Variants in SLC11A2 observed in about 807,000 individuals in gnomAD.
SLC11A2 encodes solute carrier family 11 member 2.
SLC11A2 carries 38 observed loss-of-function variants against 68.0 expected under a neutral mutation model. That is an observed-to-expected ratio of 0.56 (90% confidence interval 0.43 to 0.73). SLC11A2 has a LOEUF of 0.73. SLC11A2 is among the 30% of genes least tolerant of loss of function. SLC11A2 has a pLI of 0.00. For synonymous variants in SLC11A2, 242 were observed against 250.6 expected, an observed-to-expected ratio of 0.97 and a Z score of 0.32; for missense variants, 517 against 690.5, an observed-to-expected ratio of 0.75 and a Z score of 2.82.
chr12:50,981,903 T>C (rs1056816515), downstream of SLC11A2: 7 of 596,100 alleles, frequency 1.2e-5, no homozygotes, highest in Non-Finnish European at 1.7e-5. Flanking sequence ...TAGGCCTTTT[T>C]TTCTGTACTG....
intron 1 of SLC11A2, among the ~76,000 whole-genome samples, chr12:51,020,057 TTTTTA>T (rs1329573970): frequency 1.4e-4 from 22 of 152,140 alleles, no homozygotes; most frequent in African/African-American, 5.3e-4. Context: ...CTGGTATTGT[TTTTTA>T]TTTTATTTTT....
chr12:50,987,702 TC>T lies in SLC11A2; in HGVS notation c.*622del. 1 of 1,287,168 alleles carries T rather than the reference TC, an allele frequency of 7.8e-7. No homozygotes were observed. The highest frequency in any genetic ancestry group is 1.0e-6 in the Non-Finnish European group (1 of 988,656). 79.7% of individuals were successfully genotyped at this position (1,287,168 alleles called of 1,614,324 possible). A position where few individuals can be genotyped will look rare whatever the true frequency, so the allele number is the denominator to read the frequency against. On this transcript the variant is annotated 3_prime_UTR_variant, in exon 16 of 16. Coordinates refer to ENST00000262052, the MANE Select transcript of SLC11A2 (RefSeq NM_000617.3). ...GCTGGTTTTGTTAGTTGTCAGTTTT[TC>T]CCCTTCTTTGTTTTCTCACCCCTCT...
At chr12:51,000,893 C>T (rs1055192722) in intron 5 of SLC11A2, among the ~76,000 whole-genome samples, 2 of 151,938 alleles carry the variant, frequency 1.3e-5, no homozygotes, top group South Asian at 4.2e-4. Flanking sequence ...AGGCTGGGCG[C>T]GGTGGCTCAC....
chr12:50,957,754 A>C, the SLC11A2 span, among the ~76,000 whole-genome samples: 1 of 151,796 alleles, frequency 6.6e-6, no homozygotes, highest in African/African-American at 2.4e-5. Context: ...GTGTGGTGGC[A>C]TGCACCTGTA....
upstream of SLC11A2, chr12:51,028,281 C>A: frequency 7.3e-7 from 1 of 1,375,506 alleles, no homozygotes; most frequent in Non-Finnish European, 1.0e-6. Flanking sequence ...TATATGAAGA[C>A]AAGTGCGCCT....
chr12:50,984,059 G>A (rs576671780), downstream of SLC11A2, among the ~76,000 whole-genome samples: 5 of 151,990 alleles, frequency 3.3e-5, no homozygotes, highest in Admixed American at 3.3e-4. Context: ...AACCTGGGAG[G>A]CAGAGGTGGC....
At position 50,986,557 on chromosome 12, in the gene SLC11A2, T is replaced by C; in HGVS notation, c.*1768A>G. The C allele has an allele frequency of 7.8e-7, 1 of 1,287,080 alleles. No individual in the cohort carries two copies. The highest frequency in any genetic ancestry group is 1.0e-6 in the Non-Finnish European group (1 of 988,672). 79.7% of individuals were successfully genotyped at this position (1,287,080 alleles called of 1,614,324 possible). The stretch of plus-strand genomic sequence containing the variant: ...CAGGGCAAAGATACATGTTACCATA[T>C]CATCTTTATAAAGAATTTTTTTTTT... On this transcript the variant is annotated 3_prime_UTR_variant, in exon 16 of 16. Coordinates refer to ENST00000262052, the MANE Select transcript of SLC11A2 (RefSeq NM_000617.3).
Position 50,987,979 on chromosome 12 carries a change from AT to A in SLC11A2, c.*345del, listed in dbSNP as rs745644051. The A allele has an allele frequency of 1.5e-4, 191 of 1,272,418 alleles. No individual in the cohort carries two copies. The highest frequency in any genetic ancestry group is 6.6e-4 in the Middle Eastern group (2 of 3,040). 78.8% of individuals were successfully genotyped at this position (1,272,418 alleles called of 1,614,324 possible). A position where few individuals can be genotyped will look rare whatever the true frequency, so the allele number is the denominator to read the frequency against. On this transcript the variant is annotated 3_prime_UTR_variant, in exon 16 of 16. Transcript: ENST00000262052. The stretch of plus-strand genomic sequence containing the variant: ...AATAAAAAATGTATTGCATTTTCCA[AT>A]TTTTTTTTAACATATAGCCTGGTTA...
chr12:51,026,522 C>CGG (rs1412133810), upstream of SLC11A2: 1 of 409,678 alleles, frequency 2.4e-6, no homozygotes, highest in Non-Finnish European at 4.0e-6. Flanking sequence ...AGTCTGGATG[C>CGG]GGCGGCCCCT....
the SLC11A2 span, among the ~76,000 whole-genome samples, chr12:50,972,075 C>T: frequency 6.6e-6 from 1 of 152,182 alleles, no homozygotes; most frequent in Non-Finnish European, 1.5e-5. Flanking sequence ...AATATTCCAG[C>T]AGCTGGATCT....
chr12:50,968,961 G>A, the SLC11A2 span, among the ~76,000 whole-genome samples: 3 of 152,118 alleles, frequency 2.0e-5, no homozygotes, highest in African/African-American at 7.2e-5. Flanking sequence ...TTACAGGCAT[G>A]AGCCCCCACC....
chr12:50,972,628 T>C, the SLC11A2 span, among the ~76,000 whole-genome samples: 1 of 152,126 alleles, frequency 6.6e-6, no homozygotes, highest in African/African-American at 2.4e-5. Context: ...TCACTGGGGA[T>C]TGTCAGACAG....
intron 3 of SLC11A2, 163 bp downstream of exon 3, chr12:51,008,313 G>C (rs1175879786): frequency 1.7e-6 from 1 of 604,358 alleles, no homozygotes; most frequent in Non-Finnish European, 3.0e-6. Context: ...GTGTGTGTGT[G>C]TGTGTGTGTG....
chr12:50,965,836 C>G, the SLC11A2 span, among the ~76,000 whole-genome samples: 1 of 152,254 alleles, frequency 6.6e-6, no homozygotes, highest in East Asian at 1.9e-4. Context: ...TTTTGTCTGT[C>G]GAACATGGTC....
chr12:50,975,757 A>G (rs888747598), downstream of SLC11A2, among the ~76,000 whole-genome samples: 2 of 152,232 alleles, frequency 1.3e-5, no homozygotes, highest in African/African-American at 4.8e-5. Context: ...AGAGTAAGAA[A>G]GAAGAAAAGA....
chr12:50,978,581 T>C (rs1315494981), downstream of SLC11A2, among the ~76,000 whole-genome samples: 1 of 116,656 alleles, frequency 8.6e-6, no homozygotes, highest in Non-Finnish European at 1.9e-5. Context: ...ACATGGCACA[T>C]GTATACATAT....
chr12:50,962,938 G>A, the SLC11A2 span, among the ~76,000 whole-genome samples: 1 of 152,154 alleles, frequency 6.6e-6, no homozygotes, highest in Non-Finnish European at 1.5e-5. Context: ...ATCAGTGTTT[G>A]AGGAGAAAAG....
the SLC11A2 span, among the ~76,000 whole-genome samples, chr12:50,963,887 T>C: frequency 3.3e-5 from 5 of 152,182 alleles, no homozygotes; most frequent in Non-Finnish European, 7.3e-5. Flanking sequence ...TTGACATCCA[T>C]ATATACCTCT....
At chr12:51,014,520 T>C (rs1943475175) in intron 1 of SLC11A2, among the ~76,000 whole-genome samples, 1 of 152,218 alleles carries the variant, frequency 6.6e-6, no homozygotes, top group African/African-American at 2.4e-5. Context: ...ACAAAGCTTT[T>C]AGTCAACAAA....
Sources: allele counts gnomAD v4.1 joint callset (sites outside exome capture counted in the v4.1 genomes callset), GRCh38; gene constraint gnomAD v4.1.1; transcripts MANE v1.5; gene names NCBI Gene and HGNC (gene_info 2026-07-23, HGNC 2026-07-21).